The following TDRP variants were observed in gnomAD, a reference collection of about 807,000 sequenced individuals.
The protein encoded by TDRP is testis development-related protein.
Under a neutral mutation model 10.5 loss-of-function variants are expected in TDRP, and 12 were observed. The observed-to-expected ratio is 1.15, with a 90% CI of 0.73 to 1.86. TDRP has a LOEUF of 1.86. TDRP is among the 40% of genes most tolerant of loss of function. TDRP has a pLI of 0.00. For synonymous variants in TDRP, 139 were observed against 95.4 expected (o/e 1.46, Z -2.67); for missense variants, 353 against 229.2 (o/e 1.54, Z -3.49).
intron 1 of TDRP, among the ~76,000 whole-genome samples, chr8:496,615 C>A (rs1002964105): frequency 1.3e-5 from 2 of 152,192 alleles, no homozygotes; most frequent in African/African-American, 4.8e-5. Context: ...CTGTGCCTCA[C>A]CCCTCCATGG....
At chr8:543,242 G>T (rs1039406805) in intron 1 of TDRP, among the ~76,000 whole-genome samples, 2 of 152,126 alleles carry the variant, frequency 1.3e-5, no homozygotes, top group Non-Finnish European at 1.5e-5. Context: ...AGCCCAGGCA[G>T]GTTGAGGCCG....
chr8:509,064 C>G lies in TDRP; in HGVS notation c.109-14467G>C, dbSNP rs567275211. ...CCATGTCTCACACAACCAGCTCGTG[C>G]TGATGCAAGAGATGGGCTCCTACCA... is the stretch of plus-strand genomic sequence containing the variant. On this transcript the variant is annotated intron_variant, in intron 1 of 2. Coordinates refer to ENST00000324079, the MANE Select transcript of TDRP (RefSeq NM_001384899.1). Among the ~76,000 whole-genome samples the G allele has an allele frequency of 5.2e-5, 8 of 152,382 alleles. 1 individual carries two copies. In the South Asian group the frequency reaches 1.0e-3, roughly 20 times the overall value.
intron 1 of TDRP, among the ~76,000 whole-genome samples, chr8:531,848 G>C (rs1295412174): frequency 6.6e-6 from 1 of 152,072 alleles, no homozygotes; most frequent in Non-Finnish European, 1.5e-5. Flanking sequence ...AGAAAACATT[G>C]AATCACACCA....
At chr8:501,347 CTTTTG>C (rs1359769309) in intron 1 of TDRP, among the ~76,000 whole-genome samples, 2 of 151,948 alleles carry the variant, frequency 1.3e-5, no homozygotes, top group African/African-American at 2.4e-5. Context: ...TGGTATACTT[CTTTTG>C]TTTTGTCTTT....
intron 1 of TDRP, among the ~76,000 whole-genome samples, chr8:521,336 G>C (rs374722994): frequency 6.6e-6 from 1 of 151,844 alleles, no homozygotes; most frequent in Non-Finnish European, 1.5e-5. Context: ...AGAATGGCGT[G>C]AACCCGGGAG....
chr8:535,842 G>A (rs1216280397), intron 1 of TDRP, among the ~76,000 whole-genome samples: 1 of 151,936 alleles, frequency 6.6e-6, no homozygotes. Context: ...CGTAGGGGTG[G>A]GCCCACCCGA....
At chr8:540,641 A>G (rs990083926) in intron 1 of TDRP, among the ~76,000 whole-genome samples, 1 of 152,288 alleles carries the variant, frequency 6.6e-6, no homozygotes, top group African/African-American at 2.4e-5. Context: ...ATGTGTATTT[A>G]TGACCAAAAA....
At chr8:500,790 G>C (rs905567371) in intron 1 of TDRP, among the ~76,000 whole-genome samples, 6 of 152,148 alleles carry the variant, frequency 3.9e-5, no homozygotes, top group Non-Finnish European at 7.3e-5. Flanking sequence ...TGACAACCAG[G>C]GCAGGAAATA....
intron 1 of TDRP, among the ~76,000 whole-genome samples, chr8:513,708 C>T (rs944523885): frequency 6.6e-6 from 1 of 152,310 alleles, no homozygotes. Context: ...ATGAAACTAT[C>T]TCTATTTGCT....
At chr8:524,863 A>C (rs188850589) in intron 1 of TDRP, among the ~76,000 whole-genome samples, 3 of 152,304 alleles carry the variant, frequency 2.0e-5, no homozygotes, top group Admixed American at 2.0e-4. Context: ...CTTAAACAAG[A>C]AGTAGAGAAC....
intron 1 of TDRP, 62 bp downstream of exon 1, chr8:544,588 C>CGTGG (rs1802584645): frequency 8.9e-7 from 1 of 1,123,126 alleles, no homozygotes; most frequent in South Asian, 4.3e-5. Context: ...GCGCCGCCCA[C>CGTGG]CCTCGCCCTC....
intron 1 of TDRP, among the ~76,000 whole-genome samples, chr8:512,094 G>C (rs1022736100): frequency 2.6e-5 from 4 of 151,572 alleles, no homozygotes; most frequent in African/African-American, 7.3e-5. Context: ...TAACAGAAGA[G>C]AAATAAACAA....
intron 1 of TDRP, among the ~76,000 whole-genome samples, chr8:495,991 G>C (rs973276179): frequency 6.6e-6 from 1 of 152,226 alleles, no homozygotes; most frequent in African/African-American, 2.4e-5. Context: ...TCCAACAGTT[G>C]TGACTGGAGA....
chr8:516,143 G>A (rs1448186863), intron 1 of TDRP, among the ~76,000 whole-genome samples: 3 of 152,166 alleles, frequency 2.0e-5, no homozygotes, highest in East Asian at 1.9e-4. Context: ...CACTGGTCCG[G>A]TAGAGCGGTT....
At chr8:500,978 G>A (rs550386439) in intron 1 of TDRP, among the ~76,000 whole-genome samples, 65 of 152,254 alleles carry the variant, frequency 4.3e-4, no homozygotes, top group Middle Eastern at 3.4e-3. Flanking sequence ...AGGCCAAGGT[G>A]GGTGGATCAC....
At chr8:520,671 G>C (rs1801879079) in intron 1 of TDRP, among the ~76,000 whole-genome samples, 1 of 152,118 alleles carries the variant, frequency 6.6e-6, no homozygotes, top group South Asian at 2.1e-4. Flanking sequence ...TCATGGTTTT[G>C]ATTTGTATTT....
At chr8:545,163 C>T (rs905126783), upstream of TDRP, among the ~76,000 whole-genome samples, 1 of 146,634 alleles carries the variant, frequency 6.8e-6, no homozygotes, top group Non-Finnish European at 1.5e-5. Flanking sequence ...CCCGCCACCG[C>T]CCCGGCGAGA....
At chr8:545,418 C>A (rs1049205128), upstream of TDRP, among the ~76,000 whole-genome samples, 3 of 148,892 alleles carry the variant, frequency 2.0e-5, no homozygotes, top group Non-Finnish European at 3.0e-5. Flanking sequence ...TTCTCCCCCG[C>A]CGACCCCCAC....
At chr8:542,586 C>G (rs1181595114) in intron 1 of TDRP, among the ~76,000 whole-genome samples, 1 of 152,100 alleles carries the variant, frequency 6.6e-6, no homozygotes, top group Non-Finnish European at 1.5e-5. Flanking sequence ...GATAACAGGC[C>G]AGGCGCGGTG....
Sources: gnomAD v4.1 joint callset for allele counts (sites outside exome capture counted in the v4.1 genomes callset) on GRCh38, gnomAD v4.1.1 for gene constraint, MANE v1.5 for transcripts, NCBI Gene and HGNC (gene_info 2026-07-23, HGNC 2026-07-21) for gene names.